PTPRN2: variants seen among roughly 807,000 people sequenced by gnomAD.
The protein encoded by PTPRN2 is protein tyrosine phosphatase receptor type N2, also known as receptor-type tyrosine-protein phosphatase N2.
PTPRN2 carries 74 observed loss-of-function variants against 118.8 expected under a neutral mutation model. That is an observed-to-expected ratio of 0.62 (90% CI 0.52 to 0.76). The LOEUF (loss-of-function observed/expected upper bound fraction) is 0.76. Ranked by LOEUF, PTPRN2 falls within the 30% of genes least tolerant of loss-of-function variation. The pLI is 0.00. For synonymous variants in PTPRN2, 641 were observed against 608.0 expected (o/e 1.05, Z -0.80); for missense variants, 1,481 against 1,394.4 (o/e 1.06, Z -0.99).
At chr7:157,573,713 G>A (rs1037511579) in intron 19 of PTPRN2, among the ~76,000 whole-genome samples, 2 of 152,214 alleles carry the variant, frequency 1.3e-5, no homozygotes, top group African/African-American at 4.8e-5. Context: ...CTCCTAGCCA[G>A]TGAATTTGTG....
chr7:158,188,865 T>C (rs571169166), intron 5 of PTPRN2, among the ~76,000 whole-genome samples: 130 of 152,290 alleles, frequency 8.5e-4, no homozygotes, highest in Admixed American at 2.9e-3. Flanking sequence ...ATGGAAAGAC[T>C]TCAGTAAATA....
chr7:157,745,493 G>C (rs905507714), intron 12 of PTPRN2, among the ~76,000 whole-genome samples: 10 of 152,000 alleles, frequency 6.6e-5, no homozygotes, highest in Non-Finnish European at 1.3e-4. Flanking sequence ...AGGGAGGCAG[G>C]CTGGGGGAGA....
intron 2 of PTPRN2, among the ~76,000 whole-genome samples, chr7:158,475,970 T>C (rs945672713): frequency 6.6e-6 from 1 of 152,212 alleles, no homozygotes; most frequent in Non-Finnish European, 1.5e-5. Flanking sequence ...CTCGGAAACC[T>C]GCATATCATA....
chr7:157,951,933 G>A (rs1800838765), intron 11 of PTPRN2, among the ~76,000 whole-genome samples: 1 of 152,120 alleles, frequency 6.6e-6, no homozygotes, highest in Admixed American at 6.5e-5. Flanking sequence ...ACTCACTCCT[G>A]CTGCACCTGC....
intron 6 of PTPRN2, among the ~76,000 whole-genome samples, chr7:158,149,944 T>C (rs1039840120): frequency 3.3e-5 from 5 of 152,088 alleles, no homozygotes; most frequent in East Asian, 3.9e-4. Context: ...ATAAAACATA[T>C]GAAAAATAAA....
At chr7:157,656,694 G>A in intron 13 of PTPRN2, 143 bp from the exon 14 acceptor site, 1 of 876,530 alleles carries the variant, frequency 1.1e-6, no homozygotes, top group African/African-American at 1.7e-5. Context: ...CCCAGGGCAG[G>A]CCAGCGCAAC....
intron 3 of PTPRN2, among the ~76,000 whole-genome samples, chr7:158,300,735 CT>C (rs1464087413): frequency 6.6e-6 from 1 of 152,160 alleles, no homozygotes; most frequent in Non-Finnish European, 1.5e-5. Flanking sequence ...ACTCACATTG[CT>C]TTCCCACATA....
chr7:158,033,961 G>A (rs9918545), intron 11 of PTPRN2, among the ~76,000 whole-genome samples: 27,322 of 144,640 alleles, frequency 0.19, 2,845 homozygotes, highest in Admixed American at 0.24. Context: ...GTGTGTGGCT[G>A]GCTGCACACT....
rs1187438306 is a variant in PTPRN2 at position 158,529,754 on chromosome 7, G to A, written c.113-39969C>T. On this transcript the variant is annotated intron_variant, in intron 1 of 22. Coordinates refer to ENST00000389418, the MANE Select transcript of PTPRN2 (RefSeq NM_002847.5). The surrounding 1 kb of genome is among the most constrained non-coding windows in gnomAD (Gnocchi z 4.7). ...GGCGGTCACCAGAAGGGGCCAGGCG[G>A]GAGCAGGACCAGCTCACAGTCTCCC... Among the ~76,000 whole-genome samples, 2 of 152,122 alleles carry A rather than the reference G, an allele frequency of 1.3e-5. No individual in the cohort carries two copies. Among genetic ancestry groups the A allele is most frequent in the Non-Finnish European group, 2.9e-5 (2 of 68,026 alleles).
intron 4 of PTPRN2, among the ~76,000 whole-genome samples, chr7:158,198,707 GC>G (rs1341501761): frequency 6.8e-6 from 1 of 146,442 alleles, no homozygotes; most frequent in Non-Finnish European, 1.5e-5. Flanking sequence ...TCAGGTTCTG[GC>G]TTCTCAGGTC....
At chr7:158,229,053 C>A (rs1829002373) in intron 3 of PTPRN2, among the ~76,000 whole-genome samples, 1 of 152,112 alleles carries the variant, frequency 6.6e-6, no homozygotes. Flanking sequence ...AGCCTTCTCA[C>A]ACTGCTGGCA....
In PTPRN2 at chr7:158,273,978, G is replaced by A. The variant is rs868586755; in HGVS notation, c.277+42841C>T. Reference sequence around the variant, plus strand: ...GCTGCAGACAGACATGGGAGGAGCCGCAGACACAGGGAGCCGCAGACACAG... The same window carrying A: ...GCTGCAGACAGACATGGGAGGAGCCACAGACACAGGGAGCCGCAGACACAG... On this transcript the variant is annotated intron_variant, in intron 3 of 22. Coordinates refer to ENST00000389418, the MANE Select transcript of PTPRN2 (RefSeq NM_002847.5). Among the ~76,000 whole-genome samples, 213 of 102,230 alleles carry A rather than the reference G, an allele frequency of 2.1e-3. 3 individuals carry two copies. Among genetic ancestry groups the A allele is most frequent in the African/African-American group, 7.3e-3 (186 of 25,456 alleles). The allele number at this position is 102,230 out of a possible 152,430, so 67.1% of individuals were successfully genotyped here.
At chr7:158,403,702 G>A (rs1240795692) in intron 2 of PTPRN2, among the ~76,000 whole-genome samples, 2 of 152,120 alleles carry the variant, frequency 1.3e-5, no homozygotes, top group Non-Finnish European at 2.9e-5. Context: ...TCTGAGGATC[G>A]CACACCAAGA....
intron 9 of PTPRN2, among the ~76,000 whole-genome samples, chr7:158,131,182 C>T (rs1274851964): frequency 6.6e-6 from 1 of 150,596 alleles, no homozygotes; most frequent in Non-Finnish European, 1.5e-5. Context: ...TACCAATACA[C>T]ATCTACCTGA....
Position 157,879,364 on chromosome 7 carries a change from C to T in PTPRN2, c.1788+19309G>A, listed in dbSNP as rs554150360. ...CCCAACACGCACACCCAAACACACACGCATGCACGTGCATGTGCACACACA... is the reference window on the plus strand; with the variant it reads ...CCCAACACGCACACCCAAACACACATGCATGCACGTGCATGTGCACACACA... On this transcript the variant is annotated intron_variant, in intron 12 of 22. Coordinates refer to ENST00000389418, the MANE Select transcript of PTPRN2 (RefSeq NM_002847.5). Among the ~76,000 whole-genome samples, 62 of 152,314 alleles carry T rather than the reference C, an allele frequency of 4.1e-4. No homozygotes were observed. The South Asian group carries it at 9.9e-3, about 24-fold the overall frequency.
At chr7:158,151,099 C>T (rs1317889957) in intron 6 of PTPRN2, among the ~76,000 whole-genome samples, 493 of 41,372 alleles carry the variant, frequency 0.012, 135 homozygotes, top group Admixed American at 0.016. Flanking sequence ...CCAAACCGCC[C>T]GCCTTTCTGC....
chr7:157,832,188 G>A (rs979568603), intron 12 of PTPRN2, among the ~76,000 whole-genome samples: 3 of 152,180 alleles, frequency 2.0e-5, no homozygotes, highest in Admixed American at 6.5e-5. Flanking sequence ...GTGTTAAGCC[G>A]CACTACCACT....
At chr7:157,989,471 A>C (rs1210889220) in intron 11 of PTPRN2, among the ~76,000 whole-genome samples, 1 of 151,618 alleles carries the variant, frequency 6.6e-6, no homozygotes, top group African/African-American at 2.4e-5. Flanking sequence ...AGCGGTTTTC[A>C]TAAGGGGGTA....
At chr7:157,993,185 G>A (rs1252130480) in intron 11 of PTPRN2, among the ~76,000 whole-genome samples, 2 of 152,182 alleles carry the variant, frequency 1.3e-5, no homozygotes, top group Non-Finnish European at 2.9e-5. Context: ...CGGCTCATAA[G>A]ATTTTCTATC....
Sources: gnomAD v4.1 joint callset for allele counts (sites outside exome capture counted in the v4.1 genomes callset) on GRCh38, gnomAD v4.1.1 for gene constraint, Gnocchi (gnomAD v3.1) non-coding constraint, MANE v1.5 for transcripts, NCBI Gene and HGNC (gene_info 2026-07-23, HGNC 2026-07-21) for gene names.